CCDC27: variants seen among roughly 807,000 people sequenced by gnomAD.
CCDC27 encodes coiled-coil domain-containing protein 27.
A neutral mutation model predicts 80.3 loss-of-function variants in CCDC27; 80 were observed. The ratio of observed to expected loss-of-function variants is 1.00; its 90% CI spans 0.83 to 1.20. The LOEUF (loss-of-function observed/expected upper bound fraction) is 1.20. Among genes scored for constraint, CCDC27 ranks in the 50% most tolerant of loss-of-function variants. The pLI, the probability that CCDC27 is intolerant of heterozygous loss-of-function variation, is 0.00. For missense variants in CCDC27, 815 were observed against 809.4 expected, an observed-to-expected ratio of 1.01 and a Z score of -0.08; for synonymous variants, 342 against 334.3, an observed-to-expected ratio of 1.02 and a Z score of -0.25.
chr1:3,755,376 G>A (rs1642925697), intron 2 of CCDC27, 81 bp from the exon 3 acceptor site: 2 of 1,201,472 alleles, frequency 1.7e-6, no homozygotes, highest in Non-Finnish European at 2.5e-6. Context: ...TGGTGTTTAA[G>A]GATAAATAAG....
At chr1:3,767,065 T>G (rs1349838580) in intron 9 of CCDC27, among the ~76,000 whole-genome samples, 168 bp from the exon 10 acceptor site, 4 of 152,122 alleles carry the variant, frequency 2.6e-5, no homozygotes, top group African/African-American at 7.2e-5. Flanking sequence ...GGTCTCAATC[T>G]CTTAACCTCG....
At chr1:3,757,030 C>T (rs900410719) in intron 4 of CCDC27, 140 bp downstream of exon 4, 19 of 955,622 alleles carry the variant, frequency 2.0e-5, no homozygotes, top group Non-Finnish European at 2.9e-5. Flanking sequence ...CCTAAAATGA[C>T]CTCCAGACCC....
At chr1:3,764,750 A>C (rs1167397409) in intron 8 of CCDC27, among the ~76,000 whole-genome samples, 1 of 152,188 alleles carries the variant, frequency 6.6e-6, no homozygotes, top group Non-Finnish European at 1.5e-5. Flanking sequence ...AAAAGGATAA[A>C]TGAGGCTGAG....
Position 3,752,759 on chromosome 1 carries a change from G to A in CCDC27, c.278G>A (p.Ser93Asn), listed in dbSNP as rs1642853963. Reference sequence around the variant, plus strand: ...CCGCACCAAAAGCCACGCACGCTCAGCAAGTCGGTCCAGACCATCAGCCGC... The same window carrying A: ...CCGCACCAAAAGCCACGCACGCTCAACAAGTCGGTCCAGACCATCAGCCGC... ...WKPHQKPRTL[S>N]KSVQTISRYY... is the part of the protein sequence containing the mutation. The change falls in exon 1 of 12, where the codon AGC (serine) becomes AAC (asparagine). Residue 93 changes from serine (S) to asparagine (N), a missense_variant. By Grantham distance (46) the Ser-to-Asn change is conservative. Transcript: ENST00000294600. 6.2e-7 allele frequency: 1 copy of A among 1,613,632 alleles called. No homozygotes were observed. The highest frequency in any genetic ancestry group is 8.5e-7 in the Non-Finnish European group (1 of 1,180,000).
intron 2 of CCDC27, 114 bp downstream of exon 2, chr1:3,754,355 G>A: frequency 7.5e-7 from 1 of 1,329,238 alleles, no homozygotes; most frequent in Non-Finnish European, 1.0e-6. Context: ...GGCCTCCACA[G>A]TGGCCCCAGC....
chr1:3,767,857 T>C lies in CCDC27; in HGVS notation c.1743+412T>C, dbSNP rs1295498034. Among the ~76,000 whole-genome samples, 5 of 152,330 alleles carry C rather than the reference T, an allele frequency of 3.3e-5. No homozygotes were observed. In the East Asian group the frequency reaches 5.8e-4, roughly 18 times the overall value. On this transcript the variant is annotated intron_variant, in intron 10 of 11. Coordinates refer to ENST00000294600, the MANE Select transcript of CCDC27 (RefSeq NM_152492.3). ...AAGTACCTTCTTGGTATCAAAGTCATGTAGCTCCTTTAACCAGACTGCGAA... is the reference window on the plus strand; with the variant it reads ...AAGTACCTTCTTGGTATCAAAGTCACGTAGCTCCTTTAACCAGACTGCGAA...
At position 3,754,180 on chromosome 1, in the gene CCDC27, C is replaced by T. The variant is rs759878876; in HGVS notation, c.381C>T (p.Val127=). The T allele has an allele frequency of 1.9e-6, 3 of 1,613,810 alleles. No individual in the cohort carries two copies. Among genetic ancestry groups the T allele is most frequent in the Non-Finnish European group, 2.5e-6 (3 of 1,179,926 alleles). ...GFMSKMELRR[V]FPTHPDCPQF... The stretch of plus-strand genomic sequence containing the variant: ...TGTCCAAAATGGAACTTCGAAGGGT[C>T]TTCCCCACGCATCCTGACTGCCCCC... The change falls in exon 2 of 12, where the codon GTC becomes GTT. Residue 127 remains valine, a synonymous_variant. Coordinates refer to ENST00000294600, the MANE Select transcript of CCDC27 (RefSeq NM_152492.3).
chr1:3,758,938 C>A (rs1643025014), intron 4 of CCDC27, among the ~76,000 whole-genome samples: 2 of 151,996 alleles, frequency 1.3e-5, no homozygotes, highest in Non-Finnish European at 2.9e-5. Flanking sequence ...AGGCCAGGCA[C>A]AGTGGCTCAC....
chr1:3,761,653 CA>C lies in CCDC27; in HGVS notation c.861+224del, dbSNP rs201729095. Among the ~76,000 whole-genome samples, 218 of 137,930 alleles carry C rather than the reference CA, an allele frequency of 1.6e-3. No homozygotes were observed. In the East Asian group the frequency reaches 0.025, roughly 16 times the overall value. The allele number at this position is 137,930 out of a possible 152,430, so 90.5% of individuals were successfully genotyped here. On this transcript the variant is annotated intron_variant, in intron 5 of 11. Coordinates refer to ENST00000294600, the MANE Select transcript of CCDC27 (RefSeq NM_152492.3). The surrounding 1 kb of genome is among the most constrained non-coding windows in gnomAD (Gnocchi z 5.0). ...AAATGAGAGCCATGAGCTGATGCAA[CA>C]GGGGGGGGAGAGATGAATGGAGGCG...
chr1:3,765,182 T>C (rs559265094), intron 8 of CCDC27, among the ~76,000 whole-genome samples: 3 of 152,224 alleles, frequency 2.0e-5, no homozygotes, highest in Non-Finnish European at 4.4e-5. Flanking sequence ...CACAGAGGCC[T>C]TCCTCTGTTG....
At chr1:3,762,788 GC>G in intron 6 of CCDC27, 76 bp downstream of exon 6, 1 of 1,335,610 alleles carries the variant, frequency 7.5e-7, no homozygotes, top group Non-Finnish European at 1.0e-6. Context: ...TAACTAAGAG[GC>G]CCAGGCCCCA....
At chr1:3,770,261 G>A (rs1252354439) in intron 11 of CCDC27, among the ~76,000 whole-genome samples, 1 of 152,178 alleles carries the variant, frequency 6.6e-6, no homozygotes, top group Non-Finnish European at 1.5e-5. Flanking sequence ...CCCTCCGCTG[G>A]TATCACCACC....
intron 11 of CCDC27, among the ~76,000 whole-genome samples, chr1:3,771,112 C>A (rs1481608394): frequency 6.6e-5 from 10 of 152,176 alleles, no homozygotes; most frequent in Admixed American, 5.9e-4. Flanking sequence ...TGTGCACCTG[C>A]CCCCGGCTCC....
rs1324498847 is a variant in CCDC27, at chr1:3,756,785, G to A, written c.606G>A (p.Lys202=). ...TCTGCGAGTTCGATTACTTGCGGAA[G>A]AGGAGAAAATCCCAGACTTTGAGTC... ...KSICEFDYLR[K]RRKSQTLSPV... Residue 202 remains lysine, a synonymous_variant, in exon 4 of 12, where the codon AAG becomes AAA. Coordinates refer to ENST00000294600, the MANE Select transcript of CCDC27 (RefSeq NM_152492.3). 6.2e-7 allele frequency: 1 copy of A among 1,614,014 alleles called. No individual in the cohort carries two copies. Among genetic ancestry groups the A allele is most frequent in the African/African-American group, 1.3e-5 (1 of 74,936 alleles).
At chr1:3,764,877 A>C (rs529145865) in intron 8 of CCDC27, among the ~76,000 whole-genome samples, 1 of 152,140 alleles carries the variant, frequency 6.6e-6, no homozygotes, top group Non-Finnish European at 1.5e-5. Flanking sequence ...CTCTACTAAA[A>C]ATACAAAAAT....
rs555939969 is a variant in CCDC27 at position 3,769,484 on chromosome 1, T to C, written c.1744-299T>C. Among the ~76,000 whole-genome samples the C allele has an allele frequency of 6.6e-6, 1 of 152,072 alleles. No individual in the cohort carries two copies. Among genetic ancestry groups the C allele is most frequent in the Non-Finnish European group, 1.5e-5 (1 of 68,004 alleles). On this transcript the variant is annotated intron_variant, in intron 10 of 11. Coordinates refer to ENST00000294600, the MANE Select transcript of CCDC27 (RefSeq NM_152492.3). This position sits in a 1 kb window ranked among gnomAD's most constrained non-coding sequence, Gnocchi z 4.6. ...CTATTTTGGTTTGTTGGTTTAAAAATATATATATATGTGTGTGTAGGTTTT... is the reference window on the plus strand; with the variant it reads ...CTATTTTGGTTTGTTGGTTTAAAAACATATATATATGTGTGTGTAGGTTTT...
chr1:3,759,766 T>A (rs1030215151), intron 4 of CCDC27, among the ~76,000 whole-genome samples: 6 of 152,232 alleles, frequency 3.9e-5, no homozygotes, highest in Admixed American at 3.9e-4. Context: ...TTATTATAGA[T>A]TTCACTGCTT....
intron 1 of CCDC27, among the ~76,000 whole-genome samples, chr1:3,753,706 G>C (rs946361302): frequency 6.6e-6 from 1 of 152,230 alleles, no homozygotes; most frequent in African/African-American, 2.4e-5. Flanking sequence ...GGGGACAGAG[G>C]GGACACACTG....
intron 2 of CCDC27, 119 bp from the exon 3 acceptor site, chr1:3,755,338 A>G: frequency 1.2e-6 from 1 of 834,564 alleles, no homozygotes; most frequent in African/African-American, 1.7e-5. Context: ...CCATGCATCC[A>G]TTAAAAAAAG....
Sources: allele counts gnomAD v4.1 joint callset (sites outside exome capture counted in the v4.1 genomes callset), GRCh38; gene constraint gnomAD v4.1.1; non-coding constraint Gnocchi (gnomAD v3.1); transcripts MANE v1.5; gene names NCBI Gene and HGNC (gene_info 2026-07-23, HGNC 2026-07-21).